ZMYM4: variants seen among roughly 807,000 people sequenced by gnomAD.
ZMYM4 encodes the protein zinc finger MYM-type containing 4.
In ZMYM4, 31 loss-of-function variants were observed where a neutral mutation model predicts 183.2. The ratio of observed to expected loss-of-function variants is 0.17; its 90% CI spans 0.13 to 0.23. ZMYM4 has a LOEUF of 0.23. ZMYM4 is among the 10% of genes least tolerant of loss of function. ZMYM4 has a pLI of 1.00. For missense variants in ZMYM4, 1,273 were observed against 1,840.3 expected (o/e 0.69, Z 5.64); for synonymous variants, 592 against 631.2 (o/e 0.94, Z 0.93).
chr1:35,380,318 A>AT (rs563813442), intron 7 of ZMYM4, among the ~76,000 whole-genome samples: 93 of 150,564 alleles, frequency 6.2e-4, no homozygotes, highest in Non-Finnish European at 1.1e-3. Flanking sequence ...TATTTATTTT[A>AT]TTTATTTATT....
chr1:35,327,791 T>G (rs923439404), intron 2 of ZMYM4, among the ~76,000 whole-genome samples: 1 of 152,080 alleles, frequency 6.6e-6, no homozygotes, highest in African/African-American at 2.4e-5. Flanking sequence ...CAGAAAGCAG[T>G]TATATTCCCA....
intron 1 of ZMYM4, among the ~76,000 whole-genome samples, chr1:35,273,350 T>C (rs1383205052): frequency 6.6e-6 from 1 of 152,198 alleles, no homozygotes; most frequent in Non-Finnish European, 1.5e-5. Flanking sequence ...AATTTTTGTT[T>C]TCTCAAATAG....
At chr1:35,399,723 C>T (rs1644869527) in intron 23 of ZMYM4, 147 bp downstream of exon 23, 1 of 757,204 alleles carries the variant, frequency 1.3e-6, no homozygotes, top group Non-Finnish European at 2.1e-6. Context: ...AATTCAAGAA[C>T]CATATATTTT....
intron 7 of ZMYM4, among the ~76,000 whole-genome samples, chr1:35,379,855 A>G (rs1199310935): frequency 6.6e-6 from 1 of 152,242 alleles, no homozygotes; most frequent in African/African-American, 2.4e-5. Context: ...AGCAGTCAGA[A>G]CACACACAAT....
intron 25 of ZMYM4, among the ~76,000 whole-genome samples, chr1:35,405,898 A>G (rs1644994757): frequency 6.6e-6 from 1 of 152,182 alleles, no homozygotes; most frequent in Non-Finnish European, 1.5e-5. Flanking sequence ...TTGGTATTAC[A>G]TGAGCATTTC....
At chr1:35,361,585 T>G in intron 4 of ZMYM4, 34 bp from the exon 5 acceptor site, 1 of 1,582,148 alleles carries the variant, frequency 6.3e-7, no homozygotes, top group Non-Finnish European at 8.6e-7. Flanking sequence ...TTTTAAAATC[T>G]GAATATTTAT....
chr1:35,389,863 G>A lies in ZMYM4; in HGVS notation c.2437-85G>A, dbSNP rs147742754. ...TTGATCTAAATTCTAAGTTAATTTC[G>A]TCACTTGTTATGTGTGTCTTATTTT... On this transcript the variant is annotated intron_variant, in intron 14 of 29. Coordinates refer to ENST00000314607, the MANE Select transcript of ZMYM4 (RefSeq NM_005095.3). The surrounding 1 kb of genome is among the most constrained non-coding windows in gnomAD (Gnocchi z 4.0). The A allele has an allele frequency of 6.2e-4, 863 of 1,401,030 alleles. 2 individuals are homozygous for A. The highest frequency in any genetic ancestry group is 1.9e-3 in the African/African-American group (128 of 67,676). The allele number at this position is 1,401,030 out of a possible 1,614,324, so 86.8% of individuals were successfully genotyped here. A position where few individuals can be genotyped will look rare whatever the true frequency, so the allele number is the denominator to read the frequency against.
In ZMYM4 at chr1:35,361,691, A is replaced by G. The variant is rs1240351389; in HGVS notation, c.742A>G (p.Arg248Gly). The change falls in exon 5 of 30, where the codon AGA (arginine) becomes GGA (glycine). Residue 248 changes from arginine (R) to glycine (G), a missense_variant. Transcript: ENST00000314607. ...GGGGAATTCCTTTGCATCAAATATT[A>G]GAATTAAAGAAGAACCTTTGGATGA... ...ELGNSFASNIRIKEEPLDDEY... is the reference protein window; with the variant it reads ...ELGNSFASNIGIKEEPLDDEY... 9.3e-6 allele frequency: 15 copies of G among 1,613,776 alleles called. No individual in the cohort carries two copies. The highest frequency in any genetic ancestry group is 1.3e-5 in the Non-Finnish European group (15 of 1,179,858).
chr1:35,324,649 T>A (rs562163540), intron 1 of ZMYM4, among the ~76,000 whole-genome samples: 14 of 152,352 alleles, frequency 9.2e-5, no homozygotes, highest in African/African-American at 3.1e-4. Context: ...TGATTCTGGC[T>A]TCTTACAGTA....
At chr1:35,365,169 G>C (rs1242308166) in intron 5 of ZMYM4, among the ~76,000 whole-genome samples, 2 of 151,002 alleles carry the variant, frequency 1.3e-5, no homozygotes, top group Non-Finnish European at 3.0e-5. Context: ...AGAGAGCTGA[G>C]AGATATAGAG....
chr1:35,297,681 T>C (rs532095763), intron 1 of ZMYM4, among the ~76,000 whole-genome samples: 1 of 152,274 alleles, frequency 6.6e-6, no homozygotes, highest in South Asian at 2.1e-4. Context: ...GCCATTTGGG[T>C]TCCCAAGGTA....
In ZMYM4 at chr1:35,361,731, C is replaced by G; in HGVS notation, c.782C>G (p.Ala261Gly). The G allele has an allele frequency of 6.2e-7, 1 of 1,613,726 alleles. No individual in the cohort carries two copies. Among genetic ancestry groups the G allele is most frequent in the South Asian group, 1.1e-5 (1 of 91,054 alleles). ...EEPLDDEYDK[A>G]MAPQQGLLDK... ...CCTTTGGATGATGAGTATGACAAAG[C>G]AATGGCACCACAGCAGGGACTACTA... Residue 261 changes from alanine to glycine, a missense_variant, in exon 5 of 30, where the codon GCA (alanine) becomes GGA (glycine). By Grantham distance (60) the Ala-to-Gly change is moderately conservative. This residue lies in a region of ZMYM4 where 384 missense variants were observed against 465.6 expected (regional missense o/e 0.82). Coordinates refer to ENST00000314607, the MANE Select transcript of ZMYM4 (RefSeq NM_005095.3).
At chr1:35,365,676 TG>T (rs1423938682) in intron 5 of ZMYM4, among the ~76,000 whole-genome samples, 1 of 152,224 alleles carries the variant, frequency 6.6e-6, no homozygotes, top group East Asian at 1.9e-4. Context: ...GATCTTCATT[TG>T]TAGTAAACTA....
At chr1:35,369,815 C>A (rs1056031084) in intron 5 of ZMYM4, among the ~76,000 whole-genome samples, 6 of 151,660 alleles carry the variant, frequency 4.0e-5, no homozygotes, top group African/African-American at 7.3e-5. Context: ...TAAGTAGATA[C>A]TTTCATTTTT....
intron 29 of ZMYM4, among the ~76,000 whole-genome samples, chr1:35,418,899 A>G (rs1640226432): frequency 6.6e-6 from 1 of 152,260 alleles, no homozygotes; most frequent in Non-Finnish European, 1.5e-5. Flanking sequence ...TGCTAAAGCT[A>G]TAATAGAAAA....
Position 35,268,976 on chromosome 1 carries a change from G to A in ZMYM4, c.-71G>A. ...AGGCGGCCGTGCCTGCAGTGTGGGC[G>A]GGGGCCGGGGGGCCGAGAGGTACCG... On this transcript the variant is annotated 5_prime_UTR_variant, in exon 1 of 30. Coordinates refer to ENST00000314607, the MANE Select transcript of ZMYM4 (RefSeq NM_005095.3). 1 of 1,470,170 alleles carries A rather than the reference G, an allele frequency of 6.8e-7. No homozygotes were observed. The highest frequency in any genetic ancestry group is 2.4e-5 in the Admixed American group (1 of 42,478). The allele number at this position is 1,470,170 out of a possible 1,614,324, so 91.1% of individuals were successfully genotyped here.
chr1:35,344,866 C>T (rs1455215420), intron 2 of ZMYM4, among the ~76,000 whole-genome samples: 2 of 152,148 alleles, frequency 1.3e-5, no homozygotes, highest in African/African-American at 2.4e-5. Flanking sequence ...ATATTCCTTT[C>T]TCATATTTGC....
chr1:35,338,662 A>G (rs868234910), intron 2 of ZMYM4, among the ~76,000 whole-genome samples: 4 of 152,232 alleles, frequency 2.6e-5, no homozygotes, highest in Non-Finnish European at 4.4e-5. Context: ...CTTTGTCAGT[A>G]TGGAGGATAT....
chr1:35,390,682 G>A (rs1226240535), intron 15 of ZMYM4, among the ~76,000 whole-genome samples: 1 of 152,182 alleles, frequency 6.6e-6, no homozygotes, highest in Non-Finnish European at 1.5e-5. Context: ...TTAAAGCTGA[G>A]TAAAAATGAG....
Sources: allele counts gnomAD v4.1 joint callset (sites outside exome capture counted in the v4.1 genomes callset), GRCh38; gene constraint gnomAD v4.1.1; regional missense constraint gnomAD v4.1.1; non-coding constraint Gnocchi (gnomAD v3.1); transcripts MANE v1.5; gene names NCBI Gene and HGNC (gene_info 2026-07-23, HGNC 2026-07-21).